Variants in TNFAIP8 observed in about 807,000 individuals in gnomAD.
TNFAIP8 encodes tumor necrosis factor alpha-induced protein 8.
A neutral mutation model predicts 13.3 loss-of-function variants in TNFAIP8; 7 were observed. That is an observed-to-expected ratio of 0.52 (90% CI 0.30 to 0.99). TNFAIP8 has a LOEUF of 0.99. Ranked by LOEUF, TNFAIP8 falls within the 50% of genes least tolerant of loss-of-function variation. The pLI is 0.07. For synonymous variants in TNFAIP8, 94 were observed against 87.6 expected, an observed-to-expected ratio of 1.07 and a Z score of -0.41; for missense variants, 258 against 236.9, an observed-to-expected ratio of 1.09 and a Z score of -0.58.
Position 119,378,109 on chromosome 5 carries a change from A to G in TNFAIP8, c.32-14707A>G, listed in dbSNP as rs564291453. ...TTGAAGCTAAATTTCCCAATTTTCT[A>G]ACATGGACCACTAATCCTAAAGTAC... On this transcript the variant is annotated intron_variant, in intron 1 of 1. Transcript: ENST00000504771. Among the ~76,000 whole-genome samples the G allele has an allele frequency of 3.3e-5, 5 of 152,338 alleles. No homozygotes were observed. In the East Asian group the frequency reaches 9.6e-4, roughly 29 times the overall value.
upstream of TNFAIP8, among the ~76,000 whole-genome samples, chr5:119,351,050 G>A (rs1208471085): frequency 6.7e-6 from 1 of 149,442 alleles, no homozygotes; most frequent in Non-Finnish European, 1.5e-5. Flanking sequence ...AGAGAGAGGG[G>A]TCTCACTCTG....
rs1752497942 is a variant in TNFAIP8 at position 119,381,870 on chromosome 5, T to G, written c.32-10946T>G. Among the ~76,000 whole-genome samples the G allele has an allele frequency of 1.3e-5, 2 of 151,944 alleles. 1 individual carries two copies. The highest frequency in any genetic ancestry group is 4.2e-4 in the South Asian group (2 of 4,812). Reference sequence around the variant, plus strand: ...TCGCTTGAACCCGGGAGGTGGAGGTTGCAGTGAGCCAAGATCGCGCCATTG... The same window carrying G: ...TCGCTTGAACCCGGGAGGTGGAGGTGGCAGTGAGCCAAGATCGCGCCATTG... On this transcript the variant is annotated intron_variant, in intron 1 of 1. Transcript: ENST00000504771.
intron 1 of TNFAIP8, among the ~76,000 whole-genome samples, chr5:119,369,699 C>T (rs1442154847): frequency 6.6e-6 from 1 of 152,146 alleles, no homozygotes; most frequent in Non-Finnish European, 1.5e-5. Context: ...TCCATGGTAC[C>T]ACAGTCTGTC....
At chr5:119,275,889 T>C (rs1252686666) in intron 1 of TNFAIP8, among the ~76,000 whole-genome samples, 1 of 152,062 alleles carries the variant, frequency 6.6e-6, no homozygotes, top group African/African-American at 2.4e-5. Context: ...CTAATTCAGG[T>C]CTGGCCTCTG....
At chr5:119,315,790 A>G (rs1236015603) in intron 1 of TNFAIP8, among the ~76,000 whole-genome samples, 1 of 151,630 alleles carries the variant, frequency 6.6e-6, no homozygotes, top group African/African-American at 2.4e-5. Context: ...GATGAACCCC[A>G]CCTCCACCAC....
chr5:119,319,594 T>G (rs901572283), intron 1 of TNFAIP8, among the ~76,000 whole-genome samples: 15 of 152,150 alleles, frequency 9.9e-5, no homozygotes, highest in African/African-American at 3.1e-4. Context: ...GAGAGAGAGA[T>G]AATTAAATGA....
chr5:119,379,370 A>C (rs573913426), intron 1 of TNFAIP8, among the ~76,000 whole-genome samples: 1 of 152,252 alleles, frequency 6.6e-6, no homozygotes, highest in Non-Finnish European at 1.5e-5. Flanking sequence ...GAGGAATTTA[A>C]CTCTTTCACA....
At chr5:119,297,069 G>A (rs1422019312) in intron 1 of TNFAIP8, among the ~76,000 whole-genome samples, 23 of 151,788 alleles carry the variant, frequency 1.5e-4, no homozygotes, top group Non-Finnish European at 2.8e-4. Flanking sequence ...GATCCTTTCA[G>A]AAAACCAGCT....
rs1043227092 is a variant in TNFAIP8, at chr5:119,381,943, C to G, written c.32-10873C>G. ...TCTCAAAAAAAATAAAAAAAAACAC[C>G]GAACAAAAAACGGAGTACCTTTGTA... On this transcript the variant is annotated intron_variant, in intron 1 of 1. Transcript: ENST00000504771. Among the ~76,000 whole-genome samples the G allele has an allele frequency of 5.3e-5, 8 of 151,860 alleles. No individual in the cohort carries two copies. In the South Asian group the frequency reaches 1.5e-3, roughly 28 times the overall value.
chr5:119,289,354 C>A (rs1748913488), intron 1 of TNFAIP8, among the ~76,000 whole-genome samples: 3 of 152,136 alleles, frequency 2.0e-5, no homozygotes, highest in Admixed American at 2.0e-4. Flanking sequence ...TTCGGTCTTA[C>A]TAGTCACCCA....
At chr5:119,326,299 A>C (rs1158700168) in intron 1 of TNFAIP8, among the ~76,000 whole-genome samples, 1 of 152,196 alleles carries the variant, frequency 6.6e-6, no homozygotes, top group East Asian at 1.9e-4. Context: ...TAAGTGTCCA[A>C]ATATCACGGA....
intron 1 of TNFAIP8, chr5:119,316,240 GCC>G: frequency 6.7e-6 from 1 of 149,792 alleles, no homozygotes; most frequent in Non-Finnish European, 1.5e-5. Context: ...GCTCACTGCA[GCC>G]TCTAACTCCT....
At chr5:119,312,186 A>T (rs968464260) in intron 1 of TNFAIP8, among the ~76,000 whole-genome samples, 7 of 152,106 alleles carry the variant, frequency 4.6e-5, no homozygotes, top group African/African-American at 1.7e-4. Context: ...TCTAGCTGGG[A>T]ATGGATTGGG....
At chr5:119,319,339 G>A (rs1252141745) in intron 1 of TNFAIP8, among the ~76,000 whole-genome samples, 1 of 152,146 alleles carries the variant, frequency 6.6e-6, no homozygotes, top group Non-Finnish European at 1.5e-5. Context: ...TTTTCTTCTG[G>A]CTTTGGAGTT....
chr5:119,391,555 T>A (rs1027300454), intron 1 of TNFAIP8: 2 of 600,880 alleles, frequency 3.3e-6, no homozygotes, highest in African/African-American at 1.9e-5. Context: ...AGGCCAGGAG[T>A]TCGAGACCAG....
chr5:119,290,258 AT>A (rs1364793098), intron 1 of TNFAIP8, among the ~76,000 whole-genome samples: 2 of 151,848 alleles, frequency 1.3e-5, no homozygotes, highest in African/African-American at 4.9e-5. Flanking sequence ...TGGGTCAGGA[AT>A]TTGAGAGCTA....
chr5:119,369,634 C>T (rs1367605617), intron 1 of TNFAIP8, among the ~76,000 whole-genome samples: 1 of 152,160 alleles, frequency 6.6e-6, no homozygotes, highest in East Asian at 1.9e-4. Flanking sequence ...CCTCTGGCCT[C>T]ATTGTTTGGT....
intron 1 of TNFAIP8, among the ~76,000 whole-genome samples, chr5:119,307,989 A>G (rs1004251630): frequency 1.2e-4 from 18 of 152,304 alleles, no homozygotes; most frequent in South Asian, 4.1e-4. Context: ...GCAAGGAAAA[A>G]TCAAATCACA....
chr5:119,268,810 C>T, exon 1 of TNFAIP8: 2 of 698,410 alleles, frequency 2.9e-6, no homozygotes, highest in Non-Finnish European at 5.2e-6. Flanking sequence ...CTAAGGTCCG[C>T]GGGAACCCGT....
Sources: gnomAD v4.1 joint callset for allele counts (sites outside exome capture counted in the v4.1 genomes callset) on GRCh38, gnomAD v4.1.1 for gene constraint, MANE v1.5 for transcripts, NCBI Gene and HGNC (gene_info 2026-07-23, HGNC 2026-07-21) for gene names.